The following MIS18A variants were observed in gnomAD, a reference collection of about 807,000 sequenced individuals.
MIS18A encodes protein Mis18-alpha.
A neutral mutation model predicts 25.0 loss-of-function variants in MIS18A; 14 were observed. The ratio of observed to expected loss-of-function variants is 0.56; its 90% CI spans 0.37 to 0.88. The LOEUF is 0.88. MIS18A is among the 40% of genes least tolerant of loss of function. The pLI is 0.00. For missense variants in MIS18A, 292 were observed against 290.8 expected (o/e 1.00, Z -0.03); for synonymous variants, 134 against 118.6 (o/e 1.13, Z -0.84).
chr21:32,190,874 T>C, the MIS18A span, among the ~76,000 whole-genome samples: 20 of 152,242 alleles, frequency 1.3e-4, no homozygotes, highest in Admixed American at 1.0e-3. Flanking sequence ...GACACTTCGA[T>C]GTATGTCTGC....
chr21:32,176,398 T>A, the MIS18A span, among the ~76,000 whole-genome samples: 3 of 152,212 alleles, frequency 2.0e-5, no homozygotes, highest in Admixed American at 1.3e-4. Context: ...CATCACTGTA[T>A]ATGCAAACTA....
the MIS18A span, among the ~76,000 whole-genome samples, chr21:32,239,544 CTT>C: frequency 1.3e-5 from 2 of 152,170 alleles, no homozygotes; most frequent in Non-Finnish European, 2.9e-5. Flanking sequence ...TTGTGCTGCT[CTT>C]TGTTATTTAT....
chr21:32,190,072 T>C, the MIS18A span, among the ~76,000 whole-genome samples: 18 of 152,206 alleles, frequency 1.2e-4, no homozygotes, highest in African/African-American at 4.3e-4. Context: ...AAGGTAACCA[T>C]GTGCCACAGA....
At chr21:32,190,202 C>T in the MIS18A span, among the ~76,000 whole-genome samples, 1 of 147,838 alleles carries the variant, frequency 6.8e-6, no homozygotes, top group African/African-American at 2.5e-5. Context: ...AGCATCATCT[C>T]ACTGTCTCTC....
the MIS18A span, among the ~76,000 whole-genome samples, chr21:32,186,054 T>C: frequency 6.6e-6 from 1 of 152,168 alleles, no homozygotes; most frequent in African/African-American, 2.4e-5. Flanking sequence ...TGTTTAATTT[T>C]GCTGCTGACA....
chr21:32,179,640 T>G, the MIS18A span, among the ~76,000 whole-genome samples: 1,446 of 152,334 alleles, frequency 9.5e-3, 34 homozygotes, highest in African/African-American at 0.032. Flanking sequence ...TATCAGTGTT[T>G]TAGCTGCTAT....
At chr21:32,189,805 T>C in the MIS18A span, among the ~76,000 whole-genome samples, 13 of 152,324 alleles carry the variant, frequency 8.5e-5, no homozygotes, top group South Asian at 2.5e-3. Context: ...TGCCATCCTC[T>C]GCATCCACCC....
the MIS18A span, among the ~76,000 whole-genome samples, chr21:32,232,000 G>C: frequency 1.6e-4 from 25 of 152,162 alleles, no homozygotes; most frequent in African/African-American, 5.8e-4. Context: ...AATGAAATCA[G>C]CATCTTGTAG....
the MIS18A span, among the ~76,000 whole-genome samples, chr21:32,158,756 T>G: frequency 2.6e-5 from 4 of 152,220 alleles, no homozygotes; most frequent in African/African-American, 9.6e-5. Flanking sequence ...ATTACAGGCA[T>G]GAGCCACCAC....
At chr21:32,206,041 C>A in the MIS18A span, among the ~76,000 whole-genome samples, 3 of 152,178 alleles carry the variant, frequency 2.0e-5, no homozygotes, top group Admixed American at 2.0e-4. Context: ...TCCTGGGAAT[C>A]CAGTGGTCCC....
the MIS18A span, among the ~76,000 whole-genome samples, chr21:32,180,273 G>C: frequency 2.3e-4 from 35 of 152,268 alleles, no homozygotes; most frequent in Admixed American, 1.9e-3. Flanking sequence ...CACCCAAGCT[G>C]GAACTCTGCT....
chr21:32,255,508 C>T, the MIS18A span, among the ~76,000 whole-genome samples: 20 of 149,322 alleles, frequency 1.3e-4, no homozygotes, highest in African/African-American at 3.7e-4. Context: ...CCTGGGATTA[C>T]GGGCGTGAGC....
the MIS18A span, among the ~76,000 whole-genome samples, chr21:32,178,231 T>A: frequency 6.6e-6 from 1 of 152,138 alleles, no homozygotes; most frequent in Non-Finnish European, 1.5e-5. Context: ...CCAGCAATTT[T>A]TTTTTATTCC....
At chr21:32,214,735 T>C in the MIS18A span, among the ~76,000 whole-genome samples, 1 of 152,218 alleles carries the variant, frequency 6.6e-6, no homozygotes, top group Non-Finnish European at 1.5e-5. Flanking sequence ...ATAGCAATGT[T>C]ACCTACAGCA....
chr21:32,168,381 A>G, the MIS18A span, among the ~76,000 whole-genome samples: 34 of 152,358 alleles, frequency 2.2e-4, no homozygotes, highest in East Asian at 5.2e-3. Flanking sequence ...ATAACATCCA[A>G]TAAAAATGAG....
chr21:32,226,114 A>G, the MIS18A span, among the ~76,000 whole-genome samples: 2 of 123,900 alleles, frequency 1.6e-5, no homozygotes, highest in South Asian at 6.1e-4. Context: ...GGAATATCAC[A>G]CTCTGGGGAC....
chr21:32,196,001 C>T, the MIS18A span, among the ~76,000 whole-genome samples: 1 of 151,390 alleles, frequency 6.6e-6, no homozygotes, highest in Non-Finnish European at 1.5e-5. Flanking sequence ...GCCTGGGCAA[C>T]AGAGTGAGAC....
At chr21:32,241,176 T>C in the MIS18A span, among the ~76,000 whole-genome samples, 9 of 152,212 alleles carry the variant, frequency 5.9e-5, no homozygotes, top group South Asian at 2.1e-4. Context: ...ATAACTTTCA[T>C]ATACAATGTC....
the MIS18A span, among the ~76,000 whole-genome samples, chr21:32,247,266 T>G: frequency 6.6e-6 from 1 of 152,190 alleles, no homozygotes; most frequent in Non-Finnish European, 1.5e-5. Flanking sequence ...TCCCAAACTC[T>G]GGAGTCTCAA....
Sources: allele counts gnomAD v4.1 joint callset (sites outside exome capture counted in the v4.1 genomes callset), GRCh38; gene constraint gnomAD v4.1.1; transcripts MANE v1.5; gene names NCBI Gene and HGNC (gene_info 2026-07-23, HGNC 2026-07-21).